RHAG: variants seen among roughly 807,000 people sequenced by gnomAD.
The protein encoded by RHAG is Rh associated glycoprotein.
RHAG carries 25 observed loss-of-function variants against 42.4 expected under a neutral mutation model. The observed-to-expected ratio is 0.59, with a 90% CI of 0.43 to 0.82. The LOEUF is 0.82. Ranked by LOEUF, RHAG falls within the 40% of genes least tolerant of loss-of-function variation. The pLI, the probability that RHAG is intolerant of heterozygous loss-of-function variation, is 0.00. For missense variants in RHAG, 483 were observed against 504.6 expected (o/e 0.96, Z 0.41); for synonymous variants, 182 against 177.7 (o/e 1.02, Z -0.19).
chr6:49,611,776 C>T (rs1762572992), intron 6 of RHAG, among the ~76,000 whole-genome samples: 1 of 150,992 alleles, frequency 6.6e-6, no homozygotes, highest in African/African-American at 2.4e-5. Context: ...GAGTCTCACT[C>T]CATTGCCCAG....
chr6:49,616,202 A>G (rs1249010438), intron 3 of RHAG, among the ~76,000 whole-genome samples: 1 of 152,088 alleles, frequency 6.6e-6, no homozygotes, highest in Non-Finnish European at 1.5e-5. Flanking sequence ...TGTATTGCTC[A>G]GCCTGGCCTG....
At chr6:49,634,945 T>A (rs1762986053) in intron 1 of RHAG, among the ~76,000 whole-genome samples, 1 of 125,388 alleles carries the variant, frequency 8.0e-6, no homozygotes, top group South Asian at 2.9e-4. Flanking sequence ...GTTATTATTG[T>A]GTGTGTACAC....
rs1363086524 is a variant in RHAG at position 49,614,793 on chromosome 6, T to C, written c.701A>G (p.Asp234Gly). The change falls in exon 5 of 10, where the codon GAC (aspartate) becomes GGC (glycine). Residue 234 changes from aspartate (D) to glycine (G), a missense_variant. Physicochemically the swap from Asp to Gly is moderately conservative, Grantham distance 94. Coordinates refer to ENST00000371175, the MANE Select transcript of RHAG (RefSeq NM_000324.3). ...GTTTACAATGGCCCTGCACTGTTTG[T>C]CTCCAGGTTCAGCAATGGCCGAGTT... is the stretch of plus-strand genomic sequence containing the variant. ...SFNSAIAEPG[D>G]KQCRAIVNTY... 1 of 1,614,118 alleles carries C rather than the reference T, an allele frequency of 6.2e-7. No homozygotes were observed. Among genetic ancestry groups the C allele is most frequent in the African/African-American group, 1.3e-5 (1 of 75,018 alleles).
chr6:49,636,503 A>G (rs1315293856), intron 1 of RHAG, among the ~76,000 whole-genome samples, 153 bp downstream of exon 1: 3 of 152,222 alleles, frequency 2.0e-5, no homozygotes, highest in African/African-American at 7.2e-5. Context: ...GAAGAAGACC[A>G]GATGTCACAT....
rs1480257916 is a variant in RHAG, at chr6:49,605,215, C to T, written c.*598G>A. ...ATATTTAATTATTGGACATTTTATG[C>T]AAAATAGACTTTGATCAGATAGCAT... On this transcript the variant is annotated 3_prime_UTR_variant, in exon 10 of 10. Coordinates refer to ENST00000371175, the MANE Select transcript of RHAG (RefSeq NM_000324.3). 6.5e-6 allele frequency: 1 copy of T among 154,524 alleles called. No individual in the cohort carries two copies. The highest frequency in any genetic ancestry group is 1.4e-5 in the Non-Finnish European group (1 of 69,490). 9.6% of individuals were successfully genotyped at this position (154,524 alleles called of 1,614,324 possible). A position where few individuals can be genotyped will look rare whatever the true frequency, so the allele number is the denominator to read the frequency against.
chr6:49,636,555 A>G (rs1323102370), intron 1 of RHAG, 101 bp downstream of exon 1: 3 of 1,212,014 alleles, frequency 2.5e-6, no homozygotes, highest in Non-Finnish European at 2.4e-6. Context: ...CCATCATATA[A>G]TTCTACAAAG....
chr6:49,634,524 T>C (rs1008902406), intron 1 of RHAG, among the ~76,000 whole-genome samples: 2 of 152,140 alleles, frequency 1.3e-5, no homozygotes, highest in Non-Finnish European at 2.9e-5. Flanking sequence ...CTTATGTTTA[T>C]TGCAGCACGA....
At chr6:49,628,193 G>C (rs900590773) in intron 1 of RHAG, among the ~76,000 whole-genome samples, 1 of 151,352 alleles carries the variant, frequency 6.6e-6, no homozygotes, top group East Asian at 2.0e-4. Flanking sequence ...GTCTTGCTCT[G>C]TTGCCCAGGC....
chr6:49,615,957 C>A (rs150771009), intron 3 of RHAG, among the ~76,000 whole-genome samples, 186 bp from the exon 4 acceptor site: 194 of 152,210 alleles, frequency 1.3e-3, no homozygotes, highest in African/African-American at 4.3e-3. Flanking sequence ...GAATTTGGAG[C>A]CATACAGAAC....
chr6:49,606,647 G>T lies in RHAG; in HGVS notation c.1212+201C>A, dbSNP rs1416140540. On this transcript the variant is annotated intron_variant, in intron 9 of 9. Coordinates refer to ENST00000371175, the MANE Select transcript of RHAG (RefSeq NM_000324.3). ...ATAATTTTTGTAGAGAGTTGCCCAG[G>T]CTGGACCCAAACTCCTGGCATCAAA... 1.2e-4 allele frequency: 60 copies of T among 518,460 alleles called. 1 individual carries two copies. The East Asian group carries it at 1.4e-3, about 12-fold the overall frequency. 32.1% of individuals were successfully genotyped at this position (518,460 alleles called of 1,614,324 possible).
intron 6 of RHAG, 47 bp from the exon 7 acceptor site, chr6:49,611,192 G>A: frequency 6.8e-7 from 1 of 1,475,712 alleles, no homozygotes. Flanking sequence ...TAAACATATA[G>A]AACTCTAGAA....
chr6:49,614,993 G>T, intron 4 of RHAG, 140 bp from the exon 5 acceptor site: 1 of 804,772 alleles, frequency 1.2e-6, no homozygotes, highest in Non-Finnish European at 2.0e-6. Context: ...TGTCACCCAG[G>T]CTGGAGTGCA....
chr6:49,635,290 AC>A (rs1762994172), intron 1 of RHAG, among the ~76,000 whole-genome samples: 1 of 152,110 alleles, frequency 6.6e-6, no homozygotes, highest in Admixed American at 6.6e-5. Flanking sequence ...TCTTAAGATA[AC>A]TTTATTTAAA....
chr6:49,629,071 G>T (rs1472872472), intron 1 of RHAG, among the ~76,000 whole-genome samples: 1 of 152,114 alleles, frequency 6.6e-6, no homozygotes, highest in Non-Finnish European at 1.5e-5. Flanking sequence ...TAGATACAAA[G>T]GTTCTCCACA....
At chr6:49,610,869 A>T (rs542670429) in intron 7 of RHAG, among the ~76,000 whole-genome samples, 155 bp downstream of exon 7, 1 of 152,200 alleles carries the variant, frequency 6.6e-6, no homozygotes, top group Non-Finnish European at 1.5e-5. Flanking sequence ...ATATAATTTT[A>T]TTCTAATGAT....
rs1267058505 is a variant in RHAG, at chr6:49,615,710, A to G, written c.554T>C (p.Val185Ala). 6.2e-7 allele frequency: 1 copy of G among 1,613,998 alleles called. No homozygotes were observed. Among genetic ancestry groups the G allele is most frequent in the Non-Finnish European group, 8.5e-7 (1 of 1,179,970 alleles). ...HAFGAYFGLA[V>A]AGILYRSGLR... ...TCCAGATCGATACAAGATGCCTGCTACAGCCAAGCCAAAGTAGGCCCCAAA... is the reference window on the plus strand; with the variant it reads ...TCCAGATCGATACAAGATGCCTGCTGCAGCCAAGCCAAAGTAGGCCCCAAA... The change falls in exon 4 of 10, where the codon GTA (valine) becomes GCA (alanine). Residue 185 changes from valine to alanine, a missense_variant. Transcript: ENST00000371175.
In RHAG at chr6:49,618,131, G is replaced by A. The variant is rs369258090; in HGVS notation, c.429C>T (p.Ile143=). 4.3e-5 allele frequency: 70 copies of A among 1,613,868 alleles called. No individual in the cohort carries two copies. Among genetic ancestry groups the A allele is most frequent in the Non-Finnish European group, 5.8e-5 (68 of 1,179,904 alleles). The change falls in exon 3 of 10, where the codon ATC becomes ATT. Residue 143 remains isoleucine (I), a synonymous_variant. Transcript: ENST00000371175. The stretch of plus-strand genomic sequence containing the variant: ...AGAAAACAATTTCTAAAATTGTCAT[G>A]ATCAGCATTTGGGTGGGGCTCGTTT... ...LGKTSPTQML[I]MTILEIVFFA...
At chr6:49,629,635 C>T (rs1482234077) in intron 1 of RHAG, among the ~76,000 whole-genome samples, 2 of 152,154 alleles carry the variant, frequency 1.3e-5, no homozygotes, top group African/African-American at 4.8e-5. Flanking sequence ...CACACAGGAG[C>T]CCATGGAGGG....
intron 5 of RHAG, among the ~76,000 whole-genome samples, chr6:49,612,851 G>A (rs575216793): frequency 1.8e-4 from 28 of 152,150 alleles, no homozygotes; most frequent in Admixed American, 9.2e-4. Flanking sequence ...AAATATTCTC[G>A]CAATGTTTTT....
Sources: gnomAD v4.1 joint callset for allele counts (sites outside exome capture counted in the v4.1 genomes callset) on GRCh38, gnomAD v4.1.1 for gene constraint, MANE v1.5 for transcripts, NCBI Gene and HGNC (gene_info 2026-07-23, HGNC 2026-07-21) for gene names.